GALNT13: variants seen among roughly 807,000 people sequenced by gnomAD.
The protein encoded by GALNT13 is polypeptide N-acetylgalactosaminyltransferase 13.
A neutral mutation model predicts 64.2 loss-of-function variants in GALNT13; 28 were observed. The observed-to-expected ratio is 0.44, with a 90% CI of 0.32 to 0.60. GALNT13 has a LOEUF of 0.60. GALNT13 is among the 20% of genes least tolerant of loss of function. The pLI is 0.05. For synonymous variants in GALNT13, 214 were observed against 224.6 expected, an observed-to-expected ratio of 0.95 and a Z score of 0.42; for missense variants, 577 against 669.8, an observed-to-expected ratio of 0.86 and a Z score of 1.53.
At chr2:153,927,108 TC>T (rs1437822465) in intron 2 of GALNT13, among the ~76,000 whole-genome samples, 2 of 152,062 alleles carry the variant, frequency 1.3e-5, no homozygotes, top group Non-Finnish European at 2.9e-5. Context: ...AATTACTAGT[TC>T]AAAGTATATG....
chr2:153,687,138 A>G, the GALNT13 span, among the ~76,000 whole-genome samples: 5 of 152,052 alleles, frequency 3.3e-5, no homozygotes, highest in African/African-American at 9.7e-5. Context: ...GTTTGGTATT[A>G]GGATGATGCT....
At chr2:154,388,419 T>G (rs965251796) in intron 9 of GALNT13, among the ~76,000 whole-genome samples, 8 of 152,338 alleles carry the variant, frequency 5.3e-5, no homozygotes, top group African/African-American at 1.9e-4. Context: ...TTGTCCATTT[T>G]TGCTTTTGTT....
chr2:153,475,278 G>A, the GALNT13 span, among the ~76,000 whole-genome samples: 1 of 152,224 alleles, frequency 6.6e-6, no homozygotes. Context: ...CCAGGGCTAT[G>A]TGCATTGCAG....
chr2:153,875,344 CTT>C (rs1259472823), intron 1 of GALNT13, among the ~76,000 whole-genome samples: 1 of 152,102 alleles, frequency 6.6e-6, no homozygotes, highest in Non-Finnish European at 1.5e-5. Flanking sequence ...TTATAAATCA[CTT>C]GATACTGTAC....
At chr2:153,177,715 T>C in the GALNT13 span, among the ~76,000 whole-genome samples, 2 of 152,152 alleles carry the variant, frequency 1.3e-5, no homozygotes, top group Admixed American at 6.5e-5. Flanking sequence ...CTTATCTTTT[T>C]GTGGTGAGAA....
chr2:153,964,750 T>C (rs1693210918), intron 3 of GALNT13, among the ~76,000 whole-genome samples: 1 of 151,876 alleles, frequency 6.6e-6, no homozygotes, highest in South Asian at 2.1e-4. Context: ...AAAAATAAAA[T>C]TAAAATAAAG....
the GALNT13 span, among the ~76,000 whole-genome samples, chr2:153,178,318 C>A: frequency 1.2e-4 from 18 of 152,272 alleles, no homozygotes; most frequent in South Asian, 3.7e-3. Context: ...AAGTTACAGT[C>A]CCACCAACAG....
chr2:153,267,299 G>C, the GALNT13 span, among the ~76,000 whole-genome samples: 1 of 152,154 alleles, frequency 6.6e-6, no homozygotes, highest in African/African-American at 2.4e-5. Flanking sequence ...ACTCTGTGTG[G>C]GGGCTCCACC....
At chr2:154,186,867 A>G (rs1193926456) in intron 4 of GALNT13, among the ~76,000 whole-genome samples, 1 of 152,096 alleles carries the variant, frequency 6.6e-6, no homozygotes, top group African/African-American at 2.4e-5. Flanking sequence ...TCAAAGAAGC[A>G]TTCTATCATT....
chr2:153,195,173 G>A, the GALNT13 span, among the ~76,000 whole-genome samples: 227 of 152,216 alleles, frequency 1.5e-3, 1 homozygote, highest in Admixed American at 2.7e-3. Flanking sequence ...TGGTGTGAGT[G>A]ATGGTAGTTG....
At chr2:153,249,448 T>G in the GALNT13 span, among the ~76,000 whole-genome samples, 1 of 152,232 alleles carries the variant, frequency 6.6e-6, no homozygotes, top group Admixed American at 6.5e-5. Flanking sequence ...ATAGCCATAC[T>G]GCCCAAAGTA....
chr2:153,403,812 A>G, the GALNT13 span, among the ~76,000 whole-genome samples: 8 of 152,022 alleles, frequency 5.3e-5, no homozygotes, highest in African/African-American at 1.4e-4. Context: ...TCACCCACTG[A>G]CCTGCGCCCA....
chr2:154,155,928 C>G (rs1684390128), intron 4 of GALNT13, among the ~76,000 whole-genome samples: 1 of 148,848 alleles, frequency 6.7e-6, no homozygotes, highest in African/African-American at 2.6e-5. Flanking sequence ...TATATATGGA[C>G]AAATATATTT....
intron 3 of GALNT13, among the ~76,000 whole-genome samples, chr2:154,104,269 G>T (rs1702497042): frequency 6.6e-6 from 1 of 152,130 alleles, no homozygotes; most frequent in Admixed American, 6.6e-5. Context: ...GCCAGGGGAA[G>T]AACCTCTTCA....
At chr2:153,871,736 C>G (rs1685953211), upstream of GALNT13, among the ~76,000 whole-genome samples, 1 of 152,170 alleles carries the variant, frequency 6.6e-6, no homozygotes, top group Non-Finnish European at 1.5e-5. Flanking sequence ...TCGGTGCGCA[C>G]CGCCCCAGCC....
the GALNT13 span, among the ~76,000 whole-genome samples, chr2:153,585,068 T>C: frequency 1.4e-4 from 22 of 152,108 alleles, no homozygotes; most frequent in African/African-American, 4.6e-4. Flanking sequence ...CAATAGATCC[T>C]AACCAAAAAG....
chr2:153,715,890 T>C, the GALNT13 span, among the ~76,000 whole-genome samples: 1 of 151,506 alleles, frequency 6.6e-6, no homozygotes, highest in Non-Finnish European at 1.5e-5. Flanking sequence ...CCAGCCACAA[T>C]TGCAAACTGA....
intron 3 of GALNT13, among the ~76,000 whole-genome samples, chr2:154,018,362 A>G (rs901423793): frequency 6.6e-6 from 1 of 152,204 alleles, no homozygotes; most frequent in African/African-American, 2.4e-5. Context: ...GGACACAGTA[A>G]TTGTCCACAC....
chr2:154,036,760 G>C (rs1698680615), intron 3 of GALNT13, among the ~76,000 whole-genome samples: 1 of 152,060 alleles, frequency 6.6e-6, no homozygotes, highest in South Asian at 2.1e-4. Flanking sequence ...ACAAAATCCT[G>C]TAAGAGTGTA....
Sources: allele counts gnomAD v4.1 joint callset (sites outside exome capture counted in the v4.1 genomes callset), GRCh38; gene constraint gnomAD v4.1.1; transcripts MANE v1.5; gene names NCBI Gene and HGNC (gene_info 2026-07-23, HGNC 2026-07-21).